Variants in GNG7 observed in about 807,000 individuals in gnomAD.
GNG7 encodes G protein subunit gamma 7.
In GNG7, 1 loss-of-function variant was observed where a neutral mutation model predicts 4.0. The ratio of observed to expected loss-of-function variants is 0.25; its 90% confidence interval spans 0.09 to 1.18. The LOEUF (loss-of-function observed/expected upper bound fraction) is 1.18. Ranked by LOEUF, GNG7 falls within the 50% of genes most tolerant of loss-of-function variation. The probability of loss-of-function intolerance (pLI) is 0.50; values close to 1 mark genes in which losing one functional copy is unlikely to be tolerated. For missense variants in GNG7, 86 were observed against 91.9 expected (o/e 0.94, Z 0.26); for synonymous variants, 34 against 36.9 (o/e 0.92, Z 0.29).
intron 3 of GNG7, among the ~76,000 whole-genome samples, chr19:2,541,585 C>G (rs4807294): frequency 6.6e-6 from 1 of 151,460 alleles, no homozygotes; most frequent in Admixed American, 6.6e-5. Context: ...ATACAAAAAA[C>G]AAAAAAATTA....
At chr19:2,535,215 G>A (rs1355285398) in intron 3 of GNG7, among the ~76,000 whole-genome samples, 3 of 151,866 alleles carry the variant, frequency 2.0e-5, no homozygotes, top group Non-Finnish European at 2.9e-5. Context: ...GGGGCTGGGT[G>A]CAGTGGCTCA....
intron 2 of GNG7, among the ~76,000 whole-genome samples, chr19:2,579,199 G>A (rs761716376): frequency 6.6e-6 from 1 of 152,260 alleles, no homozygotes; most frequent in Non-Finnish European, 1.5e-5. Flanking sequence ...GGTCTGCACA[G>A]GGGTCACCCG....
chr19:2,638,716 T>A (rs374359997), intron 2 of GNG7, among the ~76,000 whole-genome samples: 30 of 132,414 alleles, frequency 2.3e-4, no homozygotes, highest in African/African-American at 8.5e-4. Context: ...ACCAGAGACA[T>A]CCCTAGACAT....
rs1347789700 is a variant in GNG7, at chr19:2,562,702, G to A, written c.-77-7514C>T. On this transcript the variant is annotated intron_variant, in intron 2 of 4. Coordinates refer to ENST00000382159, the MANE Select transcript of GNG7 (RefSeq NM_052847.3). ...TACCCTGGTCAGGGGGGACAGGATC[G>A]CTCCCAGCGTACACTGGAATCTTAG... Among the ~76,000 whole-genome samples, 5 of 152,010 alleles carry A rather than the reference G, an allele frequency of 3.3e-5. No homozygotes were observed. In the South Asian group the frequency reaches 6.2e-4, roughly 19 times the overall value.
chr19:2,631,411 T>C (rs887293711), intron 2 of GNG7, among the ~76,000 whole-genome samples: 2 of 152,244 alleles, frequency 1.3e-5, no homozygotes, highest in East Asian at 1.9e-4. Context: ...TCAAGGCCTC[T>C]AGGCTGAGGG....
At chr19:2,599,898 C>T (rs1272175398) in intron 2 of GNG7, among the ~76,000 whole-genome samples, 1 of 151,296 alleles carries the variant, frequency 6.6e-6, no homozygotes, top group African/African-American at 2.4e-5. Context: ...GATGGCGCCA[C>T]CGCACTCCAG....
chr19:2,661,202 A>C (rs190128325), intron 1 of GNG7, among the ~76,000 whole-genome samples: 13,183 of 142,812 alleles, frequency 0.092, 786 homozygotes, highest in Middle Eastern at 0.15. Context: ...CAAGAGCAAA[A>C]CTCTGTCTCA....
chr19:2,558,244 G>GTT (rs1435255853), intron 2 of GNG7, among the ~76,000 whole-genome samples: 17 of 48,684 alleles, frequency 3.5e-4, no homozygotes, highest in African/African-American at 6.9e-4. Context: ...TTTTGTTTTT[G>GTT]TTTTTGTTTT....
At chr19:2,542,096 C>T (rs74254240) in intron 3 of GNG7, among the ~76,000 whole-genome samples, 63,206 of 141,102 alleles carry the variant, frequency 0.45, 14,278 homozygotes, top group Middle Eastern at 0.51. Context: ...TGGGAGGCAG[C>T]GCTGTGTGTT....
At chr19:2,525,622 G>A (rs1298390482) in intron 3 of GNG7, among the ~76,000 whole-genome samples, 1 of 152,192 alleles carries the variant, frequency 6.6e-6, no homozygotes, top group Non-Finnish European at 1.5e-5. Context: ...CCGCAGGACA[G>A]GAGCTGGCAG....
chr19:2,521,550 A>G (rs937537658), intron 3 of GNG7, among the ~76,000 whole-genome samples: 1 of 149,588 alleles, frequency 6.7e-6, no homozygotes, highest in African/African-American at 2.5e-5. Context: ...CATAGTACCC[A>G]GGGGAGACCC....
At position 2,648,782 on chromosome 19, in the gene GNG7, G is replaced by A. The variant is rs147783039; in HGVS notation, c.-134-2502C>T. Among the ~76,000 whole-genome samples, 887 of 152,294 alleles carry A rather than the reference G, an allele frequency of 5.8e-3. 15 individuals are homozygous for A. Among genetic ancestry groups the A allele is most frequent in the African/African-American group, 0.02 (830 of 41,574 alleles). Reference sequence around the variant, plus strand: ...GGATGAGTGATGAAAGGGCTGGAGCGGCATGCCCACGGGGCTGCAGGAGGC... The same window carrying A: ...GGATGAGTGATGAAAGGGCTGGAGCAGCATGCCCACGGGGCTGCAGGAGGC... On this transcript the variant is annotated intron_variant, in intron 1 of 4. Transcript: ENST00000382159.
At chr19:2,560,021 C>T (rs571767903) in intron 2 of GNG7, among the ~76,000 whole-genome samples, 6 of 152,184 alleles carry the variant, frequency 3.9e-5, no homozygotes, top group South Asian at 2.1e-4. Context: ...CCGAGGCTCT[C>T]GCTAGACAGT....
intron 1 of GNG7, among the ~76,000 whole-genome samples, chr19:2,647,797 G>A (rs1303873434): frequency 6.6e-6 from 1 of 152,056 alleles, no homozygotes. Context: ...GGGGGCCGAG[G>A]TGGGAGGATC....
intron 2 of GNG7, among the ~76,000 whole-genome samples, chr19:2,604,299 A>G (rs1981307113): frequency 6.6e-6 from 1 of 151,462 alleles, no homozygotes; most frequent in Non-Finnish European, 1.5e-5. Context: ...GCAAGACCCC[A>G]TCACTACAAA....
chr19:2,553,643 GTTATATTACATACATGCACACGTTA>G (rs1568241084), intron 3 of GNG7, among the ~76,000 whole-genome samples: 8 of 82,240 alleles, frequency 9.7e-5, no homozygotes, highest in African/African-American at 3.7e-4. Context: ...CATGTAATAT[GTTATATTACATACATGCACACGTTA>G]CATGTAATAT....
chr19:2,519,239 C>T (rs187681506), intron 4 of GNG7, among the ~76,000 whole-genome samples: 166 of 150,840 alleles, frequency 1.1e-3, no homozygotes, highest in Admixed American at 2.0e-3. Context: ...CAACCTCCAC[C>T]TCCCAGGTTC....
chr19:2,577,015 G>A (rs1225671806), intron 2 of GNG7, among the ~76,000 whole-genome samples: 2 of 152,350 alleles, frequency 1.3e-5, no homozygotes, highest in East Asian at 3.9e-4. Context: ...CACGCTACGT[G>A]AGTCACCAGG....
At chr19:2,696,328 AAGAAAG>A (rs1370842800) in intron 1 of GNG7, among the ~76,000 whole-genome samples, 97 of 147,972 alleles carry the variant, frequency 6.6e-4, no homozygotes, top group Non-Finnish European at 9.6e-4. Context: ...GAAAGAAAGA[AAGAAAG>A]AAAGAAAGAA....
Sources: gnomAD v4.1 joint callset for allele counts (sites outside exome capture counted in the v4.1 genomes callset) on GRCh38, gnomAD v4.1.1 for gene constraint, MANE v1.5 for transcripts, NCBI Gene and HGNC (gene_info 2026-07-23, HGNC 2026-07-21) for gene names.